The following MTFR1 variants were observed in gnomAD, a reference collection of about 807,000 sequenced individuals.
MTFR1 encodes mitochondrial fission regulator 1.
MTFR1 carries 28 observed loss-of-function variants against 38.8 expected under a neutral mutation model. That is an observed-to-expected ratio of 0.72 (90% CI 0.53 to 0.99). The LOEUF is 0.99. MTFR1 is among the 50% of genes least tolerant of loss of function. The pLI, the probability that MTFR1 is intolerant of heterozygous loss-of-function variation, is 0.00. For synonymous variants in MTFR1, 145 were observed against 137.0 expected (o/e 1.06, Z -0.41); for missense variants, 358 against 395.5 (o/e 0.91, Z 0.81).
intron 3 of MTFR1, among the ~76,000 whole-genome samples, chr8:65,683,132 CTTTTTT>C (rs748824241): frequency 1.6e-5 from 2 of 121,684 alleles, no homozygotes; most frequent in Non-Finnish European, 3.4e-5. Context: ...TTCTTTCTTT[CTTTTTT>C]TTTTTTTTTT....
At chr8:65,770,562 T>C (rs1049385255) in intron 3 of MTFR1, among the ~76,000 whole-genome samples, 1 of 152,154 alleles carries the variant, frequency 6.6e-6, no homozygotes, top group Non-Finnish European at 1.5e-5. Flanking sequence ...AAGATGAGAT[T>C]TGGGAGGGGA....
intron 4 of MTFR1, among the ~76,000 whole-genome samples, chr8:65,695,634 G>A (rs1188454372): frequency 6.6e-6 from 1 of 152,172 alleles, no homozygotes; most frequent in Non-Finnish European, 1.5e-5. Flanking sequence ...TGGGATTATA[G>A]GCGTGAGCCA....
At chr8:65,719,519 TA>T (rs747753439) in intron 3 of MTFR1, 37 of 1,413,264 alleles carry the variant, frequency 2.6e-5, no homozygotes, top group Non-Finnish European at 3.6e-5. Flanking sequence ...GAGAAAAAGT[TA>T]TTAACATATA....
At chr8:65,770,990 TG>T in exon 4 of MTFR1, 1 of 337,646 alleles carries the variant, frequency 3.0e-6, no homozygotes, top group Non-Finnish European at 5.9e-6. Flanking sequence ...AGAAGGCCTA[TG>T]GCAAATCCTA....
At chr8:65,651,942 T>C (rs1357260738) in intron 1 of MTFR1, among the ~76,000 whole-genome samples, 1 of 151,888 alleles carries the variant, frequency 6.6e-6, no homozygotes, top group Non-Finnish European at 1.5e-5. Context: ...GAATATTTTT[T>C]CCTTGTGTGT....
At chr8:65,769,677 C>G (rs1808982519) in intron 3 of MTFR1, among the ~76,000 whole-genome samples, 1 of 152,190 alleles carries the variant, frequency 6.6e-6, no homozygotes, top group Admixed American at 6.5e-5. Context: ...AGGCAGATGA[C>G]TTGAGGTCAG....
At chr8:65,759,031 C>T (rs1808368558) in intron 3 of MTFR1, among the ~76,000 whole-genome samples, 1 of 152,194 alleles carries the variant, frequency 6.6e-6, no homozygotes. Context: ...CTTGACTCAG[C>T]CCATCTCTAC....
chr8:65,748,349 C>T (rs945804660), intron 3 of MTFR1, among the ~76,000 whole-genome samples: 3 of 152,044 alleles, frequency 2.0e-5, no homozygotes, highest in Admixed American at 1.3e-4. Flanking sequence ...GGTTTATATC[C>T]TGTAAGTGTT....
chr8:65,771,624 C>T (rs942634951), downstream of MTFR1, among the ~76,000 whole-genome samples: 1 of 151,888 alleles, frequency 6.6e-6, no homozygotes, highest in African/African-American at 2.4e-5. Flanking sequence ...GCATGTAATC[C>T]CAGCACTTTG....
downstream of MTFR1, chr8:65,771,373 A>T (rs911170814): frequency 6.6e-6 from 1 of 152,542 alleles, no homozygotes; most frequent in African/African-American, 2.4e-5. Flanking sequence ...ATATTTCAAC[A>T]TCTAAAAAAA....
At chr8:65,669,615 G>A (rs932467850) in intron 1 of MTFR1, among the ~76,000 whole-genome samples, 2 of 151,372 alleles carry the variant, frequency 1.3e-5, no homozygotes, top group Non-Finnish European at 2.9e-5. Flanking sequence ...ACAATGGCGC[G>A]ATCTTGGCTC....
intron 2 of MTFR1, among the ~76,000 whole-genome samples, chr8:65,674,897 G>A (rs1804667938): frequency 1.3e-5 from 2 of 152,128 alleles, no homozygotes; most frequent in African/African-American, 4.8e-5. Context: ...CTAAGTAGTA[G>A]AACTATAATG....
In MTFR1 at chr8:65,709,461, CG is replaced by C. The variant is rs541335021; in HGVS notation, c.*418del. ...TAAAATTAGTAATGAATGATGGCAA[CG>C]AGGGCACTGTTATCTTCGTTTGTTT... On this transcript the variant is annotated 3_prime_UTR_variant, in exon 8 of 8. Coordinates refer to ENST00000262146, the MANE Select transcript of MTFR1 (RefSeq NM_014637.4). 8.3e-5 allele frequency: 13 copies of C among 156,698 alleles called. No individual in the cohort carries two copies. The East Asian group carries it at 2.4e-3, about 28-fold the overall frequency. 9.7% of individuals were successfully genotyped at this position (156,698 alleles called of 1,614,324 possible).
At chr8:65,743,488 C>T (rs1306676985) in intron 3 of MTFR1, among the ~76,000 whole-genome samples, 2 of 152,154 alleles carry the variant, frequency 1.3e-5, no homozygotes, top group Non-Finnish European at 2.9e-5. Flanking sequence ...CTGATAAAGA[C>T]AAACTTCACT....
intron 3 of MTFR1, among the ~76,000 whole-genome samples, chr8:65,758,296 A>C (rs762570554): frequency 9.2e-5 from 14 of 152,238 alleles, no homozygotes; most frequent in Non-Finnish European, 1.9e-4. Flanking sequence ...AAGGCTTAAA[A>C]ATACAGTTAT....
In MTFR1 at chr8:65,705,004, A is replaced by G. The variant is rs183603692; in HGVS notation, c.517+75A>G. 1.1e-4 allele frequency: 138 copies of G among 1,254,374 alleles called. No individual in the cohort carries two copies. The African/African-American group carries it at 1.5e-3, about 13-fold the overall frequency. The allele number at this position is 1,254,374 out of a possible 1,614,324, so 77.7% of individuals were successfully genotyped here. A position where few individuals can be genotyped will look rare whatever the true frequency, so the allele number is the denominator to read the frequency against. ...GAGAATGCTACTTACTTTAAAATCA[A>G]TTAGTAACAGCTATTGGGGTTCTTA... is the stretch of plus-strand genomic sequence containing the variant. On this transcript the variant is annotated intron_variant, in intron 5 of 7. Transcript: ENST00000262146.
downstream of MTFR1, among the ~76,000 whole-genome samples, chr8:65,713,473 CACACACACACAA>C (rs1219695777): frequency 7.0e-6 from 1 of 142,848 alleles, no homozygotes; most frequent in African/African-American, 2.7e-5. Context: ...CACACACACA[CACACACACACAA>C]ACAAAACAAA....
intron 4 of MTFR1, among the ~76,000 whole-genome samples, chr8:65,703,736 C>G (rs1406398609): frequency 2.0e-5 from 3 of 151,800 alleles, no homozygotes; most frequent in African/African-American, 7.3e-5. Context: ...CACCTGGCCT[C>G]TTTGTTATTT....
At chr8:65,770,472 G>A (rs1809031124) in intron 3 of MTFR1, among the ~76,000 whole-genome samples, 1 of 152,202 alleles carries the variant, frequency 6.6e-6, no homozygotes, top group African/African-American at 2.4e-5. Flanking sequence ...GAACAGTATG[G>A]GGGAGAACTG....
Sources: allele counts gnomAD v4.1 joint callset (sites outside exome capture counted in the v4.1 genomes callset), GRCh38; gene constraint gnomAD v4.1.1; transcripts MANE v1.5; gene names NCBI Gene and HGNC (gene_info 2026-07-23, HGNC 2026-07-21).